AKAP12: variants seen among roughly 807,000 people sequenced by gnomAD.
AKAP12 encodes the protein A-kinase anchor protein 12.
AKAP12 carries 32 observed loss-of-function variants against 79.9 expected under a neutral mutation model. The ratio of observed to expected loss-of-function variants is 0.40; its 90% CI spans 0.30 to 0.54. AKAP12 has a LOEUF of 0.54. AKAP12 is among the 20% of genes least tolerant of loss of function. The pLI is 0.48. For missense variants in AKAP12, 2,074 were observed against 2,177.0 expected, an observed-to-expected ratio of 0.95 and a Z score of 0.94; for synonymous variants, 808 against 857.0, an observed-to-expected ratio of 0.94 and a Z score of 1.00.
intron 2 of AKAP12, among the ~76,000 whole-genome samples, chr6:151,254,248 A>T (rs1464116931): frequency 1.3e-5 from 2 of 152,114 alleles, no homozygotes; most frequent in Non-Finnish European, 2.9e-5. Context: ...GTTGACCTTA[A>T]TGTGGGCAAA....
At position 151,350,366 on chromosome 6, in the gene AKAP12, G is replaced by A. The variant is rs1778249003; in HGVS notation, c.1975G>A (p.Gly659Arg). 1 of 1,613,852 alleles carries A rather than the reference G, an allele frequency of 6.2e-7. No individual in the cohort carries two copies. The highest frequency in any genetic ancestry group is 8.5e-7 in the Non-Finnish European group (1 of 1,179,990). The change falls in exon 4 of 5, where the codon GGG (glycine) becomes AGG (arginine). Residue 659 changes from glycine (G) to arginine (R), a missense_variant. By Grantham distance (125) the Gly-to-Arg change is moderately radical. Transcript: ENST00000402676. The surrounding 1 kb of genome is among the most constrained non-coding windows in gnomAD (Gnocchi z 4.8). ...CTCTGAAATGCAAGAAGAAATGAAA[G>A]GGAGCGTGGAAGAGCCAAAGCCGGA... Reference protein sequence around the residue: ...TASEMQEEMKGSVEEPKPEEP... With the variant: ...TASEMQEEMKRSVEEPKPEEP...
At chr6:151,240,756 G>T (rs1401515714) in intron 2 of AKAP12, 32 bp downstream of exon 2, 4 of 1,240,192 alleles carry the variant, frequency 3.2e-6, no homozygotes, top group Non-Finnish European at 3.0e-6. Context: ...TGCGCCGGGA[G>T]GCGCGGGTCT....
chr6:151,268,573 T>G (rs1215425542), intron 2 of AKAP12, among the ~76,000 whole-genome samples: 1 of 152,266 alleles, frequency 6.6e-6, no homozygotes, highest in Non-Finnish European at 1.5e-5. Flanking sequence ...AATACCCATA[T>G]TATATGGAAA....
rs527891367 is a variant in AKAP12 at position 151,325,707 on chromosome 6, C to G, written c.319+19804C>G. On this transcript the variant is annotated intron_variant, in intron 3 of 4. Coordinates refer to ENST00000402676, the MANE Select transcript of AKAP12 (RefSeq NM_005100.4). ...CGCTGCGGCAGCTCCGAGGGCACCTCCGGTTCTCCCCCATCCTCCGGGAGT... is the reference window on the plus strand; with the variant it reads ...CGCTGCGGCAGCTCCGAGGGCACCTGCGGTTCTCCCCCATCCTCCGGGAGT... 122 of 1,473,784 alleles carry G rather than the reference C, an allele frequency of 8.3e-5. 1 individual carries two copies. The highest frequency in any genetic ancestry group is 7.3e-4 in the Middle Eastern group (4 of 5,484). 91.3% of individuals were successfully genotyped at this position (1,473,784 alleles called of 1,614,324 possible).
chr6:151,267,014 CAAAAA>C (rs34974747), intron 2 of AKAP12, among the ~76,000 whole-genome samples: 1,204 of 35,150 alleles, frequency 0.034, 10 homozygotes, highest in African/African-American at 0.085. Flanking sequence ...GACTCCATCT[CAAAAA>C]AAAAAAAAAA....
intron 3 of AKAP12, among the ~76,000 whole-genome samples, chr6:151,309,006 C>T (rs189223986): frequency 6.6e-6 from 1 of 152,244 alleles, no homozygotes; most frequent in East Asian, 1.9e-4. Flanking sequence ...TCTCAGGTAT[C>T]TGGGATTACA....
chr6:151,263,982 T>C (rs1028347653), intron 2 of AKAP12, among the ~76,000 whole-genome samples: 2 of 152,198 alleles, frequency 1.3e-5, no homozygotes, highest in African/African-American at 2.4e-5. Context: ...TTCATTGTCT[T>C]GCCCCTTTAA....
intron 3 of AKAP12, among the ~76,000 whole-genome samples, chr6:151,345,932 T>TGTGAGAGA (rs1349850485): frequency 9.9e-5 from 10 of 101,444 alleles, no homozygotes; most frequent in African/African-American, 4.3e-4. Context: ...TGTGTGTGTG[T>TGTGAGAGA]GAGAGAGAGA....
Position 151,351,840 on chromosome 6 carries a change from A to G in AKAP12, c.3449A>G (p.Gln1150Arg). Residue 1150 changes from glutamine (Q) to arginine (R), a missense_variant, in exon 4 of 5, where the codon CAG becomes CGG. Gln to Arg is a conservative substitution (Grantham distance 43). This residue lies in a region of AKAP12 where 1,428 missense variants were observed against 1,451.0 expected (regional missense o/e 0.98). Transcript: ENST00000402676. This position sits in a 1 kb window ranked among gnomAD's most constrained non-coding sequence, Gnocchi z 4.4. ...GAAACCTTAGCTGGGGTAAAATCAC[A>G]GGAGATGGTGATGGAACAGGCTATC... ...QAETLAGVKS[Q>R]EMVMEQAIPP... 1 of 1,614,102 alleles carries G rather than the reference A, an allele frequency of 6.2e-7. No individual in the cohort carries two copies. The highest frequency in any genetic ancestry group is 8.5e-7 in the Non-Finnish European group (1 of 1,180,012).
At chr6:151,296,438 C>A (rs1355183665) in intron 2 of AKAP12, among the ~76,000 whole-genome samples, 1 of 152,144 alleles carries the variant, frequency 6.6e-6, no homozygotes, top group Non-Finnish European at 1.5e-5. Context: ...TAAATGTATA[C>A]TCCTGATTGC....
intron 2 of AKAP12, among the ~76,000 whole-genome samples, chr6:151,291,445 C>T (rs998720069): frequency 6.6e-6 from 1 of 152,148 alleles, no homozygotes; most frequent in African/African-American, 2.4e-5. Flanking sequence ...AGGATCATTA[C>T]CAGCTAAGAA....
At chr6:151,297,888 A>G (rs1307179653) in intron 2 of AKAP12, among the ~76,000 whole-genome samples, 1 of 152,168 alleles carries the variant, frequency 6.6e-6, no homozygotes, top group Non-Finnish European at 1.5e-5. Context: ...AAGTACTGGG[A>G]TAGCACGTGG....
chr6:151,353,736 C>G lies in AKAP12; in HGVS notation c.5345C>G (p.Ser1782Cys). 1 of 1,571,792 alleles carries G rather than the reference C, an allele frequency of 6.4e-7. No homozygotes were observed. Among genetic ancestry groups the G allele is most frequent in the Non-Finnish European group, 8.6e-7 (1 of 1,160,794 alleles). ...TCTGCAAAGTCAGAACTTACAGAAT[C>G]TTAAAACATCATGCAGGTAAGCTTC... ...RESAKSELTE[S>C] Residue 1782 changes from serine (S) to cysteine (C), a missense_variant, in exon 4 of 5, where the codon TCT (serine) becomes TGT (cysteine). By Grantham distance (112) the Ser-to-Cys change is moderately radical (BLOSUM62 -1). Around this residue, in one of 3 missense-constraint regions of AKAP12, gnomAD observed 614 missense variants for 665.6 expected, o/e 0.92. Transcript: ENST00000402676.
chr6:151,240,511 C>A lies in AKAP12; in HGVS notation c.-52C>A. 7.3e-7 allele frequency: 1 copy of A among 1,378,448 alleles called. No homozygotes were observed. The highest frequency in any genetic ancestry group is 9.3e-7 in the Non-Finnish European group (1 of 1,073,416). The allele number at this position is 1,378,448 out of a possible 1,614,324, so 85.4% of individuals were successfully genotyped here. ...TTGGCTCTTGCCCCTGTCCCTGCGGCTTGGGGAAGGCGTAACCCGGCGGCT... is the reference window on the plus strand; with the variant it reads ...TTGGCTCTTGCCCCTGTCCCTGCGGATTGGGGAAGGCGTAACCCGGCGGCT... On this transcript the variant is annotated 5_prime_UTR_variant, in exon 2 of 5. Coordinates refer to ENST00000402676, the MANE Select transcript of AKAP12 (RefSeq NM_005100.4).
intron 3 of AKAP12, among the ~76,000 whole-genome samples, chr6:151,313,112 T>TG (rs1777154891): frequency 6.6e-6 from 1 of 152,208 alleles, no homozygotes; most frequent in African/African-American, 2.4e-5. Context: ...CTCTTTCCTT[T>TG]GTTGCATCAG....
chr6:151,308,197 A>G (rs895585973), intron 3 of AKAP12, among the ~76,000 whole-genome samples: 6 of 150,826 alleles, frequency 4.0e-5, no homozygotes, highest in Non-Finnish European at 8.9e-5. Flanking sequence ...TAATTACTAT[A>G]CATTTTTTGT....
intron 2 of AKAP12, among the ~76,000 whole-genome samples, chr6:151,291,573 G>A (rs1407686723): frequency 1.3e-5 from 2 of 152,186 alleles, no homozygotes; most frequent in Non-Finnish European, 1.5e-5. Context: ...CTGGATTCGC[G>A]TCACTTACTT....
At chr6:151,284,461 A>G (rs1400976114) in intron 2 of AKAP12, among the ~76,000 whole-genome samples, 1 of 152,106 alleles carries the variant, frequency 6.6e-6, no homozygotes, top group Non-Finnish European at 1.5e-5. Context: ...CCCTGTCTCT[A>G]CAAAAAATAC....
rs532933985 is a variant in AKAP12 at position 151,351,380 on chromosome 6, G to A, written c.2989G>A (p.Glu997Lys). The A allele has an allele frequency of 1.2e-6, 2 of 1,614,248 alleles. No homozygotes were observed. The highest frequency in any genetic ancestry group is 1.7e-6 in the Non-Finnish European group (2 of 1,180,052). ...AGAAGGAACCGAAGCATCTGCTGCT[G>A]AAGAGACCACAGAAATGGTGTCAGC... is the stretch of plus-strand genomic sequence containing the variant. ...AEEGTEASAA[E>K]ETTEMVSAVS... is the part of the protein sequence containing the mutation. Residue 997 changes from glutamate to lysine, a missense_variant, in exon 4 of 5, where the codon GAA becomes AAA. By Grantham distance (56) the Glu-to-Lys change is moderately conservative (BLOSUM62 1). This residue lies in a region of AKAP12 where 1,428 missense variants were observed against 1,451.0 expected (regional missense o/e 0.98). Transcript: ENST00000402676. This position sits in a 1 kb window ranked among gnomAD's most constrained non-coding sequence, Gnocchi z 4.4.
Sources: gnomAD v4.1 joint callset for allele counts (sites outside exome capture counted in the v4.1 genomes callset) on GRCh38, gnomAD v4.1.1 for gene constraint, gnomAD v4.1.1 regional missense constraint, Gnocchi (gnomAD v3.1) non-coding constraint, MANE v1.5 for transcripts, NCBI Gene and HGNC (gene_info 2026-07-23, HGNC 2026-07-21) for gene names.